TTC6: variants seen among roughly 807,000 people sequenced by gnomAD.
TTC6 encodes the protein tetratricopeptide repeat domain 6, also known as tetratricopeptide repeat protein 6.
Under a neutral mutation model 210.4 loss-of-function variants are expected in TTC6, and 172 were observed. The observed-to-expected ratio is 0.82, with a 90% CI of 0.72 to 0.93. The LOEUF (loss-of-function observed/expected upper bound fraction) is 0.93, where lower values mean the gene tolerates loss of function less well. TTC6 is among the 40% of genes least tolerant of loss of function. The pLI is 0.00. For synonymous variants in TTC6, 804 were observed against 819.6 expected (o/e 0.98, Z 0.32); for missense variants, 2,414 against 2,318.1 (o/e 1.04, Z -0.85).
intron 1 of TTC6, among the ~76,000 whole-genome samples, chr14:37,670,773 A>G (rs914968006): frequency 1.8e-4 from 28 of 152,010 alleles, no homozygotes; most frequent in Admixed American, 7.2e-4. Context: ...GCTGAGCCAA[A>G]CTACCTCACT....
chr14:37,772,075 A>G (rs12883120), intron 14 of TTC6, among the ~76,000 whole-genome samples: 44 of 151,926 alleles, frequency 2.9e-4, no homozygotes, highest in African/African-American at 6.5e-4. Flanking sequence ...GTGAGGTGTC[A>G]GTGTGCCCCT....
At chr14:37,654,273 G>C (rs1055984279) in intron 1 of TTC6, among the ~76,000 whole-genome samples, 3 of 152,078 alleles carry the variant, frequency 2.0e-5, no homozygotes, top group Non-Finnish European at 4.4e-5. Context: ...TGAGCAGTTT[G>C]TAACTCAAAG....
chr14:37,817,197 G>A (rs979555423), intron 25 of TTC6, among the ~76,000 whole-genome samples: 5 of 152,076 alleles, frequency 3.3e-5, no homozygotes, highest in African/African-American at 1.2e-4. Context: ...TTCCTTTTCT[G>A]TCTAGATAGA....
intron 14 of TTC6, among the ~76,000 whole-genome samples, chr14:37,769,356 G>T (rs2096010222): frequency 6.6e-6 from 1 of 151,448 alleles, no homozygotes; most frequent in Non-Finnish European, 1.5e-5. Flanking sequence ...TCTATTGATT[G>T]GAATAGTTTC....
At chr14:37,680,473 C>T (rs921447631) in intron 2 of TTC6, among the ~76,000 whole-genome samples, 2 of 152,074 alleles carry the variant, frequency 1.3e-5, no homozygotes, top group Middle Eastern at 6.8e-3. Flanking sequence ...GAGCTAAGGC[C>T]CCAGACTCTT....
chr14:37,633,041 G>A (rs2095673057), intron 1 of TTC6, among the ~76,000 whole-genome samples: 1 of 152,218 alleles, frequency 6.6e-6, no homozygotes, highest in Non-Finnish European at 1.5e-5. Flanking sequence ...TAAGCCAGTG[G>A]ATCTTAGCTC....
chr14:37,789,807 G>A (rs1049553377), intron 15 of TTC6, among the ~76,000 whole-genome samples: 9 of 151,880 alleles, frequency 5.9e-5, no homozygotes, highest in Admixed American at 2.6e-4. Context: ...CTTCCTTAAT[G>A]TGTATGATCA....
At chr14:37,796,977 A>T (rs2096094304) in intron 20 of TTC6, 30 bp downstream of exon 22, 15 of 1,556,040 alleles carry the variant, frequency 9.6e-6, no homozygotes, top group Non-Finnish European at 1.3e-5. Flanking sequence ...ATGTTTACTA[A>T]ACCTATTAAT....
intron 1 of TTC6, among the ~76,000 whole-genome samples, chr14:37,667,634 A>G (rs1489379971): frequency 6.6e-6 from 1 of 150,730 alleles, no homozygotes; most frequent in African/African-American, 2.4e-5. Flanking sequence ...ATTTTTATTA[A>G]TCTTTTCTTT....
rs1298985709 is a variant in TTC6, at chr14:37,602,644, G to C, written c.-234-4019G>C. On this transcript the variant is annotated intron_variant, in intron 1 of 2. Coordinates refer to the TTC6 transcript ENST00000556845. Reference sequence around the variant, plus strand: ...GGGTGGATGAACCCACTGAACCCACGGTTCAGCCGTGGCTCCGATGCGGCG... The same window carrying C: ...GGGTGGATGAACCCACTGAACCCACCGTTCAGCCGTGGCTCCGATGCGGCG... Among the ~76,000 whole-genome samples, 4 of 152,072 alleles carry C rather than the reference G, an allele frequency of 2.6e-5. 1 individual carries two copies. The highest frequency in any genetic ancestry group is 9.7e-5 in the African/African-American group (4 of 41,404).
chr14:37,678,539 A>G (rs1427116318), intron 1 of TTC6, among the ~76,000 whole-genome samples: 1 of 152,108 alleles, frequency 6.6e-6, no homozygotes, highest in Non-Finnish European at 1.5e-5. Context: ...TACAAATTCT[A>G]GCCCCTTTGT....
intron 7 of TTC6, 40 bp from the exon 10 acceptor site, chr14:37,735,881 T>A: frequency 7.8e-7 from 1 of 1,285,736 alleles, no homozygotes; most frequent in Non-Finnish European, 1.1e-6. Flanking sequence ...TTAAAAAGTA[T>A]TCCAAAACAT....
intron 6 of TTC6, among the ~76,000 whole-genome samples, chr14:37,717,476 A>C (rs2095854586): frequency 6.6e-6 from 1 of 152,152 alleles, no homozygotes; most frequent in African/African-American, 2.4e-5. Context: ...CTCGAAAAAC[A>C]CAAACTACCA....
At chr14:37,823,918 A>C (rs1335539661) in exon 27 of TTC6, 1 of 1,614,026 alleles carries the variant, frequency 6.2e-7, no homozygotes, top group South Asian at 1.1e-5. Flanking sequence ...TTAATCCAGC[A>C]TACATAAAAG....
chr14:37,692,227 A>AAAAAAAAAAAAAAAAG (rs2095805140), intron 3 of TTC6, among the ~76,000 whole-genome samples: 1 of 147,818 alleles, frequency 6.8e-6, no homozygotes, highest in Non-Finnish European at 1.5e-5. Context: ...AAAAAAAAAA[A>AAAAAAAAAAAAAAAAG]AAAAAGAAAA....
At chr14:37,781,877 GTGGGGAATCCTTT>G (rs896408862) in intron 14 of TTC6, among the ~76,000 whole-genome samples, 1 of 152,022 alleles carries the variant, frequency 6.6e-6, no homozygotes, top group Non-Finnish European at 1.5e-5. Context: ...CATTTATTAA[GTGGGGAATCCTTT>G]CCCCATTGCT....
At chr14:37,635,262 G>A (rs1181015546) in intron 1 of TTC6, among the ~76,000 whole-genome samples, 2 of 152,162 alleles carry the variant, frequency 1.3e-5, no homozygotes. Context: ...CTAGGAGACC[G>A]TGCTAATGGT....
At chr14:37,616,522 T>C (rs1344266252) in intron 2 of TTC6, among the ~76,000 whole-genome samples, 4 of 152,294 alleles carry the variant, frequency 2.6e-5, no homozygotes, top group East Asian at 3.9e-4. Context: ...CTGTGAGGAA[T>C]TGATCTGTAA....
intron 2 of TTC6, among the ~76,000 whole-genome samples, chr14:37,608,279 GT>G (rs202231352): frequency 2.0e-5 from 3 of 150,822 alleles, no homozygotes; most frequent in African/African-American, 4.9e-5. Context: ...GCGCTTACAA[GT>G]TTTTTTTGTG....
Sources: gnomAD v4.1 joint callset for allele counts (sites outside exome capture counted in the v4.1 genomes callset) on GRCh38, gnomAD v4.1.1 for gene constraint, MANE v1.5 for transcripts, NCBI Gene and HGNC (gene_info 2026-07-23, HGNC 2026-07-21) for gene names.